Variants in FGD4 observed in about 807,000 individuals in gnomAD.
FGD4 encodes the protein FYVE, RhoGEF and PH domain-containing protein 4.
A neutral mutation model predicts 102.0 loss-of-function variants in FGD4; 42 were observed. That is an observed-to-expected ratio of 0.41 (90% CI 0.32 to 0.53). FGD4 has a LOEUF of 0.53. Among genes scored for constraint, FGD4 ranks in the 20% least tolerant of loss-of-function variants. The pLI is 0.21. For missense variants in FGD4, 902 were observed against 1,078.2 expected (o/e 0.84, Z 2.29); for synonymous variants, 380 against 375.7 (o/e 1.01, Z -0.13).
intron 1 of FGD4, among the ~76,000 whole-genome samples, chr12:32,525,193 C>A (rs967577277): frequency 1.3e-5 from 2 of 152,130 alleles, no homozygotes; most frequent in Non-Finnish European, 2.9e-5. Context: ...TGTGACCCAA[C>A]AATCAGATTA....
intron 1 of FGD4, among the ~76,000 whole-genome samples, chr12:32,455,468 T>C (rs1285107111): frequency 6.6e-6 from 1 of 152,140 alleles, no homozygotes; most frequent in East Asian, 1.9e-4. Context: ...GATAGCAGAA[T>C]ATCTATGCCA....
chr12:32,520,274 C>T (rs67649350), intron 1 of FGD4, among the ~76,000 whole-genome samples: 14,676 of 151,934 alleles, frequency 0.097, 1,262 homozygotes, highest in African/African-American at 0.23. Flanking sequence ...TTTAAATAAA[C>T]GAATACAAGA....
In FGD4 at chr12:32,502,146, C is replaced by T. The variant is rs1437563911; in HGVS notation, c.167-61991C>T. 8.1e-6 allele frequency: 8 copies of T among 985,342 alleles called. No homozygotes were observed. In the East Asian group the frequency reaches 7.9e-4, roughly 98 times the overall value. 61.0% of individuals were successfully genotyped at this position (985,342 alleles called of 1,614,324 possible). ...CATGGAATCCACCATCTGTTCACTC[C>T]CCACCGGAATGTGATTATCCTTGCT... On this transcript the variant is annotated intron_variant, in intron 1 of 16. Transcript: ENST00000534526.
intron 4 of FGD4, among the ~76,000 whole-genome samples, chr12:32,586,014 A>G (rs1425336735): frequency 6.6e-6 from 1 of 152,154 alleles, no homozygotes; most frequent in East Asian, 1.9e-4. Flanking sequence ...AGTGTGAGCA[A>G]TGAGTAGAGG....
intron 1 of FGD4, among the ~76,000 whole-genome samples, chr12:32,490,036 G>A (rs893926725): frequency 6.6e-6 from 1 of 152,084 alleles, no homozygotes; most frequent in African/African-American, 2.4e-5. Flanking sequence ...CTACCTGAAG[G>A]TCATAAAGAT....
At chr12:32,443,792 G>C (rs984624289) in intron 1 of FGD4, among the ~76,000 whole-genome samples, 3 of 149,394 alleles carry the variant, frequency 2.0e-5, no homozygotes, top group African/African-American at 7.3e-5. Flanking sequence ...AAAAAAGCCA[G>C]AATGAAAGTG....
At position 32,641,271 on chromosome 12, in the gene FGD4, T is replaced by C. The variant is rs1295803630; in HGVS notation, c.*738T>C. 1 of 152,162 alleles carries C rather than the reference T, an allele frequency of 6.6e-6. No homozygotes were observed. The highest frequency in any genetic ancestry group is 1.5e-5 in the Non-Finnish European group (1 of 68,020). 9.4% of individuals were successfully genotyped at this position (152,162 alleles called of 1,614,324 possible). A position where few individuals can be genotyped will look rare whatever the true frequency, so the allele number is the denominator to read the frequency against. On this transcript the variant is annotated 3_prime_UTR_variant, in exon 17 of 17. Coordinates refer to ENST00000534526, the MANE Select transcript of FGD4 (RefSeq NM_001370298.3). ...AATGTTCTAAACTGAAGAAATGTTT[T>C]GGTGATTTATGTTTTGCTGATTGGC...
At position 32,574,966 on chromosome 12, in the gene FGD4, A is replaced by C. The variant is rs1052123784; in HGVS notation, c.320-1300A>C. ...ACATGTTATATAGTATTTTACCCTG[A>C]ATGTTAATCTTAGAGAAAAGTAATA... On this transcript the variant is annotated intron_variant, in intron 2 of 16. Coordinates refer to ENST00000534526, the MANE Select transcript of FGD4 (RefSeq NM_001370298.3). 3.3e-5 allele frequency: 5 copies of C among 152,194 alleles called. No homozygotes were observed. The East Asian group carries it at 9.6e-4, about 29-fold the overall frequency. The allele number at this position is 152,194 out of a possible 1,614,324, so 9.4% of individuals were successfully genotyped here. A position where few individuals can be genotyped will look rare whatever the true frequency, so the allele number is the denominator to read the frequency against.
chr12:32,619,976 T>A, intron 11 of FGD4, 106 bp downstream of exon 11: 1 of 1,307,940 alleles, frequency 7.6e-7, no homozygotes, highest in South Asian at 1.2e-5. Flanking sequence ...GCTGCATATC[T>A]CTGGAACTCT....
rs966333212 is a variant in FGD4, at chr12:32,506,494, T to C, written c.167-57643T>C. 3.9e-5 allele frequency among the ~76,000 whole-genome samples: 6 copies of C among 152,116 alleles called. No individual in the cohort carries two copies. The highest frequency in any genetic ancestry group is 9.7e-5 in the African/African-American group (4 of 41,410). ...CGACTATGGTCCACTCTAGGACATA[T>C]CTGTCACCTGGGCAGCATCTAGCAT... On this transcript the variant is annotated intron_variant, in intron 1 of 16. Coordinates refer to ENST00000534526, the MANE Select transcript of FGD4 (RefSeq NM_001370298.3). The surrounding 1 kb of genome is among the most constrained non-coding windows in gnomAD (Gnocchi z 4.5).
intron 5 of FGD4, chr12:32,600,401 C>A (rs1039670668): frequency 1.6e-6 from 2 of 1,266,846 alleles, no homozygotes; most frequent in African/African-American, 3.1e-5. Flanking sequence ...GTTCTTTTTG[C>A]CTCTCAAGAA....
At chr12:32,444,280 C>T (rs568864849) in intron 1 of FGD4, among the ~76,000 whole-genome samples, 1 of 152,134 alleles carries the variant, frequency 6.6e-6, no homozygotes, top group South Asian at 2.1e-4. Flanking sequence ...ACCTTGGCTT[C>T]CCAAAGTGCT....
chr12:32,510,569 A>G (rs1939255413), intron 1 of FGD4, among the ~76,000 whole-genome samples: 3 of 152,216 alleles, frequency 2.0e-5, no homozygotes, highest in Admixed American at 2.0e-4. Context: ...CAAAAAAGAC[A>G]TTATAATCTA....
At chr12:32,634,578 G>T (rs1476483226) in intron 15 of FGD4, among the ~76,000 whole-genome samples, 1 of 152,136 alleles carries the variant, frequency 6.6e-6, no homozygotes, top group Admixed American at 6.5e-5. Context: ...TAAGGGACAG[G>T]TTATATAATA....
rs376418911 is a variant in FGD4 at position 32,442,300 on chromosome 12, A to G, written c.166+42341A>G. On this transcript the variant is annotated intron_variant, in intron 1 of 16. Coordinates refer to ENST00000534526, the MANE Select transcript of FGD4 (RefSeq NM_001370298.3). Reference sequence around the variant, plus strand: ...GATCTCCTGACCTTGTGATCCACCCACCTCAGCCCCCCAAAGTGCTGGGAT... The same window carrying G: ...GATCTCCTGACCTTGTGATCCACCCGCCTCAGCCCCCCAAAGTGCTGGGAT... Among the ~76,000 whole-genome samples the G allele has an allele frequency of 4.6e-5, 7 of 151,614 alleles. No individual in the cohort carries two copies. The South Asian group carries it at 6.3e-4, about 14-fold the overall frequency.
In FGD4 at chr12:32,574,081, G is replaced by A. The variant is rs547018147; in HGVS notation, c.320-2185G>A. 1.4e-4 allele frequency among the ~76,000 whole-genome samples: 22 copies of A among 152,278 alleles called. No homozygotes were observed. The East Asian group carries it at 4.2e-3, about 29-fold the overall frequency. ...AAGCAATTTGGAGAAAGCACACAGT[G>A]CTTATGAAACAGTTTAAGAGGTGGA... is the stretch of plus-strand genomic sequence containing the variant. On this transcript the variant is annotated intron_variant, in intron 2 of 16. Transcript: ENST00000534526.
At chr12:32,402,170 G>C (rs1468062723) in intron 1 of FGD4, among the ~76,000 whole-genome samples, 1 of 144,264 alleles carries the variant, frequency 6.9e-6, no homozygotes, top group Non-Finnish European at 1.5e-5. Context: ...TGCTTGGCAC[G>C]GGGGCTCACG....
At chr12:32,472,104 C>G (rs541441114) in intron 1 of FGD4, among the ~76,000 whole-genome samples, 11 of 152,104 alleles carry the variant, frequency 7.2e-5, no homozygotes, top group Non-Finnish European at 1.3e-4. Flanking sequence ...AGGTGAGGCT[C>G]CCTGTGAGAG....
At chr12:32,442,994 T>C (rs1942495629) in intron 1 of FGD4, among the ~76,000 whole-genome samples, 2 of 152,244 alleles carry the variant, frequency 1.3e-5, no homozygotes, top group Non-Finnish European at 2.9e-5. Context: ...CAGATGTCTA[T>C]TCAGGTATTT....
Sources: gnomAD v4.1 joint callset for allele counts (sites outside exome capture counted in the v4.1 genomes callset) on GRCh38, gnomAD v4.1.1 for gene constraint, Gnocchi (gnomAD v3.1) non-coding constraint, MANE v1.5 for transcripts, NCBI Gene and HGNC (gene_info 2026-07-23, HGNC 2026-07-21) for gene names.